The following ZNF469 variants were observed in gnomAD, a reference collection of about 807,000 sequenced individuals.
ZNF469 encodes zinc finger protein 469.
In ZNF469, 1 loss-of-function variant was observed where a neutral mutation model predicts 1.0. That is an observed-to-expected ratio of 1.00 (90% CI 0.35 to 4.73). ZNF469 has a LOEUF of 4.73. Ranked by LOEUF, ZNF469 falls within the 30% of genes most tolerant of loss-of-function variation. The probability of loss-of-function intolerance (pLI) is 0.16; values close to 1 mark genes in which losing one functional copy is unlikely to be tolerated. For missense variants in ZNF469, 6,100 were observed against 5,356.3 expected, an observed-to-expected ratio of 1.14 and a Z score of -4.33; for synonymous variants, 2,703 against 2,363.4, an observed-to-expected ratio of 1.14 and a Z score of -4.17.
chr16:88,345,358 A>G, the ZNF469 span, among the ~76,000 whole-genome samples: 2 of 152,248 alleles, frequency 1.3e-5, no homozygotes, highest in African/African-American at 4.8e-5. Context: ...TCAAAAAACC[A>G]GATTTTTAAT....
the ZNF469 span, among the ~76,000 whole-genome samples, chr16:88,212,851 T>A: frequency 6.6e-6 from 1 of 152,216 alleles, no homozygotes; most frequent in Admixed American, 6.5e-5. Context: ...CACAAAGTGC[T>A]GGAATTACAG....
the ZNF469 span, among the ~76,000 whole-genome samples, chr16:88,103,851 G>A: frequency 1.5e-4 from 22 of 149,202 alleles, 1 homozygote; most frequent in African/African-American, 4.5e-4. Context: ...TCCGTGGCAC[G>A]GAGGGGGTGG....
the ZNF469 span, among the ~76,000 whole-genome samples, chr16:88,139,151 G>A: frequency 0.17 from 25,538 of 150,100 alleles, 2,652 homozygotes; most frequent in East Asian, 0.48. Context: ...TGTGATGAGC[G>A]TCAGAGCAGA....
At chr16:88,190,035 C>T in the ZNF469 span, among the ~76,000 whole-genome samples, 1 of 138,434 alleles carries the variant, frequency 7.2e-6, no homozygotes, top group Non-Finnish European at 1.6e-5. Context: ...GTTACTTCCT[C>T]TACTTTTCTC....
chr16:88,206,460 T>A, the ZNF469 span, among the ~76,000 whole-genome samples: 2 of 152,156 alleles, frequency 1.3e-5, no homozygotes, highest in African/African-American at 2.4e-5. Flanking sequence ...TAACCGCAGC[T>A]CAGTTTCGGA....
the ZNF469 span, among the ~76,000 whole-genome samples, chr16:88,333,968 G>A: frequency 7.9e-5 from 12 of 151,536 alleles, no homozygotes; most frequent in African/African-American, 2.9e-4. Flanking sequence ...ATGTGTGTCT[G>A]TGTGCATCTG....
chr16:88,134,528 A>G, the ZNF469 span, among the ~76,000 whole-genome samples: 1 of 152,240 alleles, frequency 6.6e-6, no homozygotes, highest in Admixed American at 6.5e-5. Flanking sequence ...CCATCTTTGC[A>G]TATGTATCTA....
the ZNF469 span, among the ~76,000 whole-genome samples, chr16:88,200,913 T>A: frequency 6.6e-6 from 1 of 152,218 alleles, no homozygotes; most frequent in Non-Finnish European, 1.5e-5. Flanking sequence ...CACAGGAGAC[T>A]GGACGGTGGG....
intron 1 of ZNF469, among the ~76,000 whole-genome samples, chr16:88,412,047 C>T (rs928499452): frequency 0.012 from 10 of 810 alleles, no homozygotes; most frequent in African/African-American, 0.033. Context: ...CTGCCAGAGC[C>T]GAGTCAGCCT....
the ZNF469 span, among the ~76,000 whole-genome samples, chr16:88,317,942 G>A: frequency 6.6e-6 from 1 of 152,230 alleles, no homozygotes; most frequent in Non-Finnish European, 1.5e-5. Flanking sequence ...GGTGATGGTG[G>A]GGTGAGGTCC....
chr16:88,362,199 A>G, the ZNF469 span, among the ~76,000 whole-genome samples: 1 of 152,250 alleles, frequency 6.6e-6, no homozygotes, highest in Non-Finnish European at 1.5e-5. Context: ...TGGTAAGATT[A>G]TCATTGGAAT....
In ZNF469 at chr16:88,437,631, G is replaced by A; in HGVS notation, c.10161G>A (p.Ala3387=). Residue 3387 remains alanine, a synonymous_variant, in exon 3 of 3, where the codon GCG becomes GCA. Coordinates refer to ENST00000565624, the MANE Select transcript of ZNF469 (RefSeq NM_001367624.2). ...HGELLAHLGG[A]HGLLERPELQ... ...AGCTGCTGGCACACCTGGGCGGGGCGCACGGGCTGCTGGAGCGGCCGGAGC... is the reference window on the plus strand; with the variant it reads ...AGCTGCTGGCACACCTGGGCGGGGCACACGGGCTGCTGGAGCGGCCGGAGC... 2 of 1,541,444 alleles carry A rather than the reference G, an allele frequency of 1.3e-6. No homozygotes were observed. Among genetic ancestry groups the A allele is most frequent in the Non-Finnish European group, 1.8e-6 (2 of 1,140,544 alleles).
the ZNF469 span, among the ~76,000 whole-genome samples, chr16:88,103,305 C>G: frequency 2.3e-4 from 35 of 152,382 alleles, no homozygotes; most frequent in Middle Eastern, 6.8e-3. Context: ...CAGCAGTCCA[C>G]GGGCCATGAG....
At chr16:88,347,118 G>A in the ZNF469 span, among the ~76,000 whole-genome samples, 1 of 152,206 alleles carries the variant, frequency 6.6e-6, no homozygotes. Flanking sequence ...TGTCACCTGT[G>A]TTGGTTTTGC....
At chr16:88,132,064 C>T in the ZNF469 span, among the ~76,000 whole-genome samples, 1,926 of 152,154 alleles carry the variant, frequency 0.013, no homozygotes, top group African/African-American at 0.039. Context: ...CTTTGAATCA[C>T]GGCCTGGAGT....
the ZNF469 span, among the ~76,000 whole-genome samples, chr16:88,239,693 ATATATATATATATATATATATATTT>A: frequency 3.4e-3 from 29 of 8,616 alleles, no homozygotes; most frequent in Non-Finnish European, 4.6e-3. Flanking sequence ...ATATATATAT[ATATATATATATATATATATATATTT>A]TTTTTTTTTT....
the ZNF469 span, among the ~76,000 whole-genome samples, chr16:88,229,462 C>T: frequency 4.6e-5 from 7 of 152,226 alleles, no homozygotes. Flanking sequence ...CCTGCCAAGA[C>T]CCTCTGTGGT....
At chr16:88,298,475 A>G in the ZNF469 span, among the ~76,000 whole-genome samples, 7 of 152,230 alleles carry the variant, frequency 4.6e-5, no homozygotes, top group African/African-American at 1.7e-4. Context: ...ACCAGTCCAG[A>G]CAGCCCAGGC....
At chr16:88,274,050 G>A in the ZNF469 span, among the ~76,000 whole-genome samples, 29 of 152,220 alleles carry the variant, frequency 1.9e-4, no homozygotes, top group Middle Eastern at 6.8e-3. Flanking sequence ...TGATCCGCCT[G>A]CCTCGGCCTC....
Sources: allele counts gnomAD v4.1 joint callset (sites outside exome capture counted in the v4.1 genomes callset), GRCh38; gene constraint gnomAD v4.1.1; transcripts MANE v1.5; gene names NCBI Gene and HGNC (gene_info 2026-07-23, HGNC 2026-07-21).